The following HTATSF1 variants were observed in gnomAD, a reference collection of about 807,000 sequenced individuals.
The protein encoded by HTATSF1 is HIV-1 Tat specific factor 1.
A neutral mutation model predicts 46.1 loss-of-function variants in HTATSF1; 6 were observed. That is an observed-to-expected ratio of 0.13 (90% CI 0.07 to 0.26). The LOEUF (loss-of-function observed/expected upper bound fraction) is 0.26. HTATSF1 is among the 10% of genes least tolerant of loss of function. HTATSF1 has a pLI of 1.00. For missense variants in HTATSF1, 452 were observed against 559.9 expected (o/e 0.81, Z 1.94); for synonymous variants, 226 against 211.5 (o/e 1.07, Z -0.60).
At chrX:136,509,310 A>T in intron 7 of HTATSF1, 130 bp downstream of exon 7, 1 of 466,482 alleles carries the variant, frequency 2.1e-6, no homozygotes, top group Non-Finnish European at 3.7e-6. Context: ...ATCTTGTGAT[A>T]ATCATCTATT....
In HTATSF1 at chrX:136,499,736, A is replaced by G; in HGVS notation, c.325A>G (p.Thr109Ala). ...TCCACAAGAAAAAGCCCCGGAACCCACTGATGCCAGAAAGAAGGGAGAAAA... is the reference window on the plus strand; with the variant it reads ...TCCACAAGAAAAAGCCCCGGAACCCGCTGATGCCAGAAAGAAGGGAGAAAA... ...EPPQEKAPEP[T>A]DARKKGEKRK... Residue 109 changes from threonine to alanine, a missense_variant, in exon 2 of 9, where the codon ACT becomes GCT. Thr to Ala is a moderately conservative substitution (Grantham distance 58). This residue lies in a region of HTATSF1 where 89 missense variants were observed against 92.3 expected (regional missense o/e 0.96). Coordinates refer to ENST00000218364, the MANE Select transcript of HTATSF1 (RefSeq NM_014500.5). 1.7e-6 allele frequency: 2 copies of G among 1,186,059 alleles called. No homozygotes were observed. The highest frequency in any genetic ancestry group is 3.0e-5 in the East Asian group (1 of 33,241).
chrX:136,508,991 C>T, intron 6 of HTATSF1, 100 bp from the exon 7 acceptor site: 1 of 614,963 alleles, frequency 1.6e-6, no homozygotes, highest in African/African-American at 2.2e-5. Flanking sequence ...TTAAGCAAAA[C>T]CTTTTTCTGT....
chrX:136,499,432 G>C (rs1423321491), intron 1 of HTATSF1, among the ~76,000 whole-genome samples, 166 bp from the exon 2 acceptor site: 2 of 112,415 alleles, frequency 1.8e-5, no homozygotes, highest in Non-Finnish European at 3.8e-5. Flanking sequence ...ATTTTCTATA[G>C]AAGGTGACTA....
At chrX:136,510,756 A>G in intron 8 of HTATSF1, 52 bp from the exon 9 acceptor site, 1 of 1,134,805 alleles carries the variant, frequency 8.8e-7, no homozygotes, top group Non-Finnish European at 1.2e-6. Context: ...TGTTCAGAGA[A>G]GTAACCTTTT....
chrX:136,504,098 T>G (rs1209905738), intron 5 of HTATSF1, among the ~76,000 whole-genome samples: 1 of 111,462 alleles, frequency 9.0e-6, no homozygotes, highest in Non-Finnish European at 1.9e-5. Context: ...CTTGAACTCC[T>G]GGCCTCAAGT....
At chrX:136,509,433 C>G (rs1051750704) in intron 7 of HTATSF1, among the ~76,000 whole-genome samples, 1 of 111,742 alleles carries the variant, frequency 8.9e-6, no homozygotes, top group Admixed American at 9.5e-5. Flanking sequence ...AAAGAAGGTA[C>G]AGGAAAAATG....
Position 136,503,080 on chromosome X carries a change from C to A in HTATSF1, c.734+139C>A, listed in dbSNP as rs753642674. The A allele has an allele frequency of 2.8e-4, 93 of 330,221 alleles. No individual in the cohort carries two copies. In the Middle Eastern group the frequency reaches 3.7e-3, roughly 13 times the overall value. 27.2% of individuals were successfully genotyped at this position (330,221 alleles called of 1,213,427 possible). A position where few individuals can be genotyped will look rare whatever the true frequency, so the allele number is the denominator to read the frequency against. On this transcript the variant is annotated intron_variant, in intron 5 of 8. Transcript: ENST00000218364. Reference sequence around the variant, plus strand: ...TCATTAGCTCATCAGGTACCTTTAGCAATCTATACAATAGGTTTAGATTTA... The same window carrying A: ...TCATTAGCTCATCAGGTACCTTTAGAAATCTATACAATAGGTTTAGATTTA...
At chrX:136,504,823 A>C (rs891592140) in intron 6 of HTATSF1, among the ~76,000 whole-genome samples, 1 of 112,258 alleles carries the variant, frequency 8.9e-6, no homozygotes, top group African/African-American at 3.2e-5. Context: ...GGTGGGGAGT[A>C]CCAGCTTCAC....
In HTATSF1 at chrX:136,511,626, G is replaced by A. The variant is rs1404406665; in HGVS notation, c.1881G>A (p.Lys627=). 8.3e-7 allele frequency: 1 copy of A among 1,209,065 alleles called. No homozygotes were observed. The highest frequency in any genetic ancestry group is 1.1e-6 in the Non-Finnish European group (1 of 894,752). ...EREFDEDSDE[K]EEEEDTYEKV... ...AGTTTGACGAAGATTCAGATGAAAA[G>A]GAAGAAGAGGAGGATACATATGAAA... Residue 627 remains lysine, a synonymous_variant, in exon 9 of 9, where the codon AAG becomes AAA. Transcript: ENST00000218364.
At chrX:136,499,477 A>G in intron 1 of HTATSF1, 121 bp from the exon 2 acceptor site, 1 of 496,604 alleles carries the variant, frequency 2.0e-6, no homozygotes, top group South Asian at 6.1e-5. Context: ...TACAACTATT[A>G]TCCACAGAAA....
rs3027840 is a variant in HTATSF1 at position 136,500,587 on chromosome X, T to C, written c.416-77T>C. On this transcript the variant is annotated intron_variant, in intron 3 of 8. Transcript: ENST00000218364. ...ACATTGCATTCACCTAAGTTATAGA[T>C]TTCTAATTGGTAGAATGCTAAGTAA... 3.4e-3 allele frequency: 2,265 copies of C among 667,793 alleles called. 28 individuals carry two copies. The African/African-American group carries it at 0.038, about 11-fold the overall frequency. The allele number at this position is 667,793 out of a possible 1,213,427, so 55.0% of individuals were successfully genotyped here.
intron 7 of HTATSF1, among the ~76,000 whole-genome samples, chrX:136,509,852 A>G (rs1435277502): frequency 2.7e-5 from 3 of 112,265 alleles, no homozygotes; most frequent in African/African-American, 9.7e-5. Context: ...GGATGTCAGC[A>G]GAAACATTTC....
Position 136,500,786 on chromosome X carries a change from C to T in HTATSF1, c.538C>T (p.Leu180Phe). The T allele has an allele frequency of 8.8e-7, 1 of 1,134,391 alleles. No homozygotes were observed. Among genetic ancestry groups the T allele is most frequent in the South Asian group, 2.3e-5 (1 of 44,379 alleles). 93.5% of individuals were successfully genotyped at this position (1,134,391 alleles called of 1,213,427 possible). ...VKLYKDNQGN[L>F]KGDGLCCYLK... Reference sequence around the variant, plus strand: ...ACTTTACAAAGATAATCAAGGAAATCTTAAAGGAGACGGTCTTTGCTGTTA... The same window carrying T: ...ACTTTACAAAGATAATCAAGGAAATTTTAAAGGAGACGGTCTTTGCTGTTA... Residue 180 changes from leucine (L) to phenylalanine (F), a missense_variant, in exon 4 of 9, where the codon CTT becomes TTT. Transcript: ENST00000218364.
At chrX:136,498,146 C>G (rs1264741823) in intron 1 of HTATSF1, among the ~76,000 whole-genome samples, 1 of 112,506 alleles carries the variant, frequency 8.9e-6, no homozygotes, top group Non-Finnish European at 1.9e-5. Flanking sequence ...CTTTTTATTG[C>G]AAAGAGGAAA....
rs775021349 is a variant in HTATSF1, at chrX:136,503,979, T to G, written c.735-385T>G. On this transcript the variant is annotated intron_variant, in intron 5 of 8. Coordinates refer to ENST00000218364, the MANE Select transcript of HTATSF1 (RefSeq NM_014500.5). Reference sequence around the variant, plus strand: ...TGTACCTCCGGGGTTCAAGCTATACTCATGCCTCAGCCTCCCCAGTAGCTG... The same window carrying G: ...TGTACCTCCGGGGTTCAAGCTATACGCATGCCTCAGCCTCCCCAGTAGCTG... Among the ~76,000 whole-genome samples, 5 of 111,350 alleles carry G rather than the reference T, an allele frequency of 4.5e-5. No homozygotes were observed. In the South Asian group the frequency reaches 1.9e-3, roughly 42 times the overall value.
rs184041756 is a variant in HTATSF1, at chrX:136,505,990, C to T, written c.834+1527C>T. Among the ~76,000 whole-genome samples the T allele has an allele frequency of 1.5e-4, 17 of 112,037 alleles. No individual in the cohort carries two copies. In the Admixed American group the frequency reaches 1.6e-3, roughly 11 times the overall value. ...TTTCTGTGACTCGAGGTCTTTGATTCACACATTTCATACTCCTGCCACCCA... is the reference window on the plus strand; with the variant it reads ...TTTCTGTGACTCGAGGTCTTTGATTTACACATTTCATACTCCTGCCACCCA... On this transcript the variant is annotated intron_variant, in intron 6 of 8. Transcript: ENST00000218364.
intron 3 of HTATSF1, 70 bp from the exon 4 acceptor site, chrX:136,500,594 T>C (rs2075713762): frequency 2.9e-6 from 2 of 696,265 alleles, no homozygotes; most frequent in Admixed American, 7.4e-5. Context: ...AGATTTCTAA[T>C]TGGTAGAATG....
rs1038619431 is a variant in HTATSF1, at chrX:136,503,030, G to A, written c.734+89G>A. 51 of 546,316 alleles carry A rather than the reference G, an allele frequency of 9.3e-5. 1 individual carries two copies. In the African/African-American group the frequency reaches 1.2e-3, roughly 12 times the overall value. 45.0% of individuals were successfully genotyped at this position (546,316 alleles called of 1,213,427 possible). On this transcript the variant is annotated intron_variant, in intron 5 of 8. Transcript: ENST00000218364. Reference sequence around the variant, plus strand: ...CATCTAGTTTTATTCTGTCAAGTGTGCCTACACATTATTTTAAAATAATTT... The same window carrying A: ...CATCTAGTTTTATTCTGTCAAGTGTACCTACACATTATTTTAAAATAATTT...
chrX:136,499,758 A>C lies in HTATSF1; in HGVS notation c.347A>C (p.Glu116Ala). 1 of 1,176,485 alleles carries C rather than the reference A, an allele frequency of 8.5e-7. No homozygotes were observed. Among genetic ancestry groups the C allele is most frequent in the East Asian group, 3.0e-5 (1 of 33,148 alleles). Residue 116 changes from glutamate to alanine, a missense_variant, in exon 2 of 9, where the codon GAA becomes GCA. Coordinates refer to ENST00000218364, the MANE Select transcript of HTATSF1 (RefSeq NM_014500.5). ...PEPTDARKKG[E>A]KRKAESGWFH... is the part of the protein sequence containing the mutation. The stretch of plus-strand genomic sequence containing the variant: ...CCCACTGATGCCAGAAAGAAGGGAG[A>C]AAAAAGAAAGGCTGAGTCAGGTAAG...
Sources: allele counts gnomAD v4.1 joint callset (sites outside exome capture counted in the v4.1 genomes callset), GRCh38; gene constraint gnomAD v4.1.1; regional missense constraint gnomAD v4.1.1; transcripts MANE v1.5; gene names NCBI Gene and HGNC (gene_info 2026-07-23, HGNC 2026-07-21).